The following NEBL variants were observed in gnomAD, a reference collection of about 807,000 sequenced individuals.
The protein encoded by NEBL is nebulette.
NEBL carries 122 observed loss-of-function variants against 140.2 expected under a neutral mutation model. That is an observed-to-expected ratio of 0.87 (90% confidence interval 0.75 to 1.01). The LOEUF is 1.01. Ranked by LOEUF, NEBL falls within the 50% of genes least tolerant of loss-of-function variation. NEBL has a pLI of 0.00. For missense variants in NEBL, 1,365 were observed against 1,231.3 expected (o/e 1.11, Z -1.62); for synonymous variants, 436 against 398.9 (o/e 1.09, Z -1.11).
intron 2 of NEBL, among the ~76,000 whole-genome samples, chr10:21,043,651 C>T (rs1834369691): frequency 6.6e-6 from 1 of 152,246 alleles, no homozygotes. Flanking sequence ...AATATCATCA[C>T]CTTTCCTAGT....
chr10:20,816,305 T>C (rs1360738742), intron 21 of NEBL, among the ~76,000 whole-genome samples: 1 of 152,244 alleles, frequency 6.6e-6, no homozygotes, highest in African/African-American at 2.4e-5. Flanking sequence ...AATGTCTTCA[T>C]GGAGATTACT....
chr10:21,036,104 A>C (rs984373710), intron 2 of NEBL, among the ~76,000 whole-genome samples: 5 of 152,156 alleles, frequency 3.3e-5, no homozygotes, highest in Admixed American at 3.3e-4. Context: ...CAGAAGGTGC[A>C]GTGAGCCAAG....
intron 26 of NEBL, among the ~76,000 whole-genome samples, chr10:20,799,566 C>A (rs985214143): frequency 6.6e-6 from 1 of 152,192 alleles, no homozygotes; most frequent in African/African-American, 2.4e-5. Flanking sequence ...TTTAAACCAA[C>A]TTTTCAAATT....
At chr10:21,094,907 T>A (rs1258807369) in intron 2 of NEBL, among the ~76,000 whole-genome samples, 1 of 152,182 alleles carries the variant, frequency 6.6e-6, no homozygotes. Flanking sequence ...CAGGTGATGG[T>A]GAAGAAAATC....
At chr10:20,900,690 C>T (rs1847826377), upstream of NEBL, among the ~76,000 whole-genome samples, 1 of 149,258 alleles carries the variant, frequency 6.7e-6, no homozygotes, top group South Asian at 2.1e-4. Flanking sequence ...AAAAATTAGC[C>T]GAGTGTGATG....
At chr10:21,276,184 C>CTGG (rs1842922368) in intron 1 of NEBL, among the ~76,000 whole-genome samples, 1 of 151,886 alleles carries the variant, frequency 6.6e-6, no homozygotes, top group Non-Finnish European at 1.5e-5. Context: ...GTTGGGCAGG[C>CTGG]TGGTCTCAAA....
chr10:21,243,023 C>G (rs373248378), intron 3 of NEBL, among the ~76,000 whole-genome samples: 21 of 152,192 alleles, frequency 1.4e-4, no homozygotes, highest in Admixed American at 9.8e-4. Context: ...GTCTCAGAAG[C>G]CTTTGACCTT....
chr10:20,931,011 T>C (rs1416870920), intron 4 of NEBL, among the ~76,000 whole-genome samples: 1 of 152,156 alleles, frequency 6.6e-6, no homozygotes, highest in Non-Finnish European at 1.5e-5. Context: ...GGAAAATCAG[T>C]ACTGTTTAGG....
intron 27 of NEBL, among the ~76,000 whole-genome samples, chr10:20,786,275 T>C (rs1052526210): frequency 2.0e-5 from 3 of 152,168 alleles, no homozygotes; most frequent in Admixed American, 1.3e-4. Context: ...ACTCGTCATA[T>C]GTCAGAGAAG....
chr10:21,169,059 A>ATATAT (rs1840934163), intron 2 of NEBL, among the ~76,000 whole-genome samples: 2 of 43,826 alleles, frequency 4.6e-5, no homozygotes, highest in African/African-American at 1.4e-4. Context: ...CAAAAAAAAA[A>ATATAT]AAAAAAAAAT....
chr10:20,944,602 C>T (rs558119276), intron 4 of NEBL, among the ~76,000 whole-genome samples: 1 of 152,252 alleles, frequency 6.6e-6, no homozygotes, highest in South Asian at 2.1e-4. Context: ...TATGGGTTTG[C>T]ACTCTCTCAC....
chr10:21,125,996 A>AGAGACTGAAGCT (rs746673277), intron 2 of NEBL: 1 of 1,614,062 alleles, frequency 6.2e-7, no homozygotes, highest in Non-Finnish European at 8.5e-7. Flanking sequence ...GGCGGCTTGT[A>AGAGACTGAAGCT]GAGACTGAAG....
At chr10:20,923,315 G>T (rs1476560235) in intron 4 of NEBL, among the ~76,000 whole-genome samples, 3 of 152,054 alleles carry the variant, frequency 2.0e-5, no homozygotes, top group African/African-American at 7.2e-5. Flanking sequence ...CAATCTGCCT[G>T]CCTCAGCCTC....
At chr10:20,935,937 T>C (rs1004517023) in intron 4 of NEBL, among the ~76,000 whole-genome samples, 3 of 152,132 alleles carry the variant, frequency 2.0e-5, no homozygotes, top group Admixed American at 2.0e-4. Flanking sequence ...AATAAAGATA[T>C]TATATCTAAA....
At chr10:20,867,668 A>AGG (rs1029634467) in intron 7 of NEBL, 3 of 152,008 alleles carry the variant, frequency 2.0e-5, no homozygotes, top group Admixed American at 2.0e-4. Flanking sequence ...GTTTGCATTC[A>AGG]CATTTTTAAT....
chr10:21,094,184 C>G (rs1335771948), intron 2 of NEBL, among the ~76,000 whole-genome samples: 1 of 152,034 alleles, frequency 6.6e-6, no homozygotes, highest in Non-Finnish European at 1.5e-5. Context: ...TGGCAAAACC[C>G]CATCTCTACT....
chr10:21,002,908 C>T (rs1837966518), intron 3 of NEBL, among the ~76,000 whole-genome samples: 1 of 151,692 alleles, frequency 6.6e-6, no homozygotes, highest in African/African-American at 2.4e-5. Context: ...GTCTCTTTCA[C>T]ACCACTACCC....
At chr10:21,109,794 T>C (rs935141485) in intron 2 of NEBL, among the ~76,000 whole-genome samples, 16 of 152,158 alleles carry the variant, frequency 1.1e-4, no homozygotes, top group African/African-American at 3.9e-4. Flanking sequence ...CATAGAGGTG[T>C]TTATAGTATT....
At chr10:20,976,942 G>T (rs1371339678) in intron 3 of NEBL, among the ~76,000 whole-genome samples, 2 of 147,650 alleles carry the variant, frequency 1.4e-5, no homozygotes, top group African/African-American at 5.0e-5. Context: ...AAAAAAAAGT[G>T]CTTCAGGTCC....
Sources: allele counts gnomAD v4.1 joint callset (sites outside exome capture counted in the v4.1 genomes callset), GRCh38; gene constraint gnomAD v4.1.1; transcripts MANE v1.5; gene names NCBI Gene and HGNC (gene_info 2026-07-23, HGNC 2026-07-21).